The following TSHZ2 variants were observed in gnomAD, a reference collection of about 807,000 sequenced individuals.
TSHZ2 encodes the protein teashirt zinc finger homeobox 2.
Under a neutral mutation model 74.4 loss-of-function variants are expected in TSHZ2, and 21 were observed. The observed-to-expected ratio is 0.28, with a 90% confidence interval of 0.20 to 0.41. The LOEUF is 0.41. Ranked by LOEUF, TSHZ2 falls within the 10% of genes least tolerant of loss-of-function variation. TSHZ2 has a pLI of 1.00. For missense variants in TSHZ2, 1,244 were observed against 1,293.5 expected (o/e 0.96, Z 0.59); for synonymous variants, 540 against 515.3 (o/e 1.05, Z -0.65).
intron 1 of TSHZ2, among the ~76,000 whole-genome samples, chr20:53,170,835 C>T (rs903520931): frequency 1.3e-5 from 2 of 151,968 alleles, no homozygotes; most frequent in African/African-American, 4.8e-5. Flanking sequence ...CCAGCTCTAG[C>T]CTTGCCCAAG....
At chr20:53,160,306 C>A (rs1987898285) in intron 1 of TSHZ2, among the ~76,000 whole-genome samples, 1 of 152,124 alleles carries the variant, frequency 6.6e-6, no homozygotes, top group African/African-American at 2.4e-5. Context: ...TGATCTTTCA[C>A]CTTCATGGGT....
rs57243805 is a variant in TSHZ2, at chr20:53,246,040, C to CTTTTTTTT, written c.41-7453_41-7446dup. ...TGTGCTTTTCTTTCTTTCTTTCTTTCTTTTTTTTTTTTTGTTTGAGACAGA... is the reference window on the plus strand; with the variant it reads ...TGTGCTTTTCTTTCTTTCTTTCTTTCTTTTTTTTTTTTTTTTTTTTTGTTTGAGACAGA... On this transcript the variant is annotated intron_variant, in intron 1 of 2. Transcript: ENST00000371497. Among the ~76,000 whole-genome samples the CTTTTTTTT allele has an allele frequency of 3.0e-3, 395 of 130,594 alleles. 2 individuals are homozygous for CTTTTTTTT. The highest frequency in any genetic ancestry group is 0.011 in the African/African-American group (362 of 32,302). The allele number at this position is 130,594 out of a possible 152,430, so 85.7% of individuals were successfully genotyped here.
intron 1 of TSHZ2, among the ~76,000 whole-genome samples, chr20:53,013,268 C>T (rs776852273): frequency 6.6e-6 from 1 of 152,324 alleles, no homozygotes; most frequent in African/African-American, 2.4e-5. Context: ...GGCTTCCCAA[C>T]AGGCTCTACT....
At chr20:53,344,649 C>A (rs1172360706) in intron 2 of TSHZ2, among the ~76,000 whole-genome samples, 1 of 152,106 alleles carries the variant, frequency 6.6e-6, no homozygotes, top group Non-Finnish European at 1.5e-5. Flanking sequence ...AAAAATGGCA[C>A]CAGTGACACT....
At chr20:53,338,192 G>A (rs1980035080) in intron 2 of TSHZ2, among the ~76,000 whole-genome samples, 1 of 152,204 alleles carries the variant, frequency 6.6e-6, no homozygotes, top group African/African-American at 2.4e-5. Context: ...ATTTATCTGA[G>A]CAGAGAGAAT....
chr20:53,384,379 AG>A (rs1981968473), intron 2 of TSHZ2, among the ~76,000 whole-genome samples: 1 of 152,236 alleles, frequency 6.6e-6, no homozygotes, highest in Non-Finnish European at 1.5e-5. Context: ...AGCCACACGC[AG>A]ACCCGTTTAT....
intron 2 of TSHZ2, among the ~76,000 whole-genome samples, chr20:53,372,487 AGAAGGAAGAAAG>A (rs1172429815): frequency 6.6e-6 from 1 of 152,106 alleles, no homozygotes; most frequent in African/African-American, 2.4e-5. Flanking sequence ...AAAAAAATAA[AGAAGGAAGAAAG>A]GAAGGAAGGA....
chr20:53,100,600 A>C (rs1327816881), intron 1 of TSHZ2, among the ~76,000 whole-genome samples: 1 of 152,162 alleles, frequency 6.6e-6, no homozygotes, highest in Non-Finnish European at 1.5e-5. Context: ...TTTCTCTGAC[A>C]GCTCTGTTTG....
chr20:53,010,266 C>T (rs1248181188), intron 1 of TSHZ2, among the ~76,000 whole-genome samples: 3 of 152,286 alleles, frequency 2.0e-5, no homozygotes, highest in East Asian at 1.9e-4. Flanking sequence ...ATTCCACCCA[C>T]CACATTGCAT....
At chr20:53,189,944 C>A (rs900960119) in intron 1 of TSHZ2, among the ~76,000 whole-genome samples, 2 of 149,670 alleles carry the variant, frequency 1.3e-5, no homozygotes, top group East Asian at 3.9e-4. Flanking sequence ...ATTAGCTGAG[C>A]GTGATGGCAC....
intron 2 of TSHZ2, among the ~76,000 whole-genome samples, chr20:53,454,332 G>A (rs1489849472): frequency 6.6e-6 from 1 of 152,156 alleles, no homozygotes; most frequent in African/African-American, 2.4e-5. Context: ...GGGAGGCCAA[G>A]GCAGGCAGAT....
intron 1 of TSHZ2, among the ~76,000 whole-genome samples, chr20:52,977,473 T>C (rs996249027): frequency 5.9e-5 from 8 of 135,890 alleles, no homozygotes; most frequent in Non-Finnish European, 1.1e-4. Flanking sequence ...CACACACGCA[T>C]GGACACAATA....
At chr20:53,027,247 T>C (rs890217129) in intron 1 of TSHZ2, among the ~76,000 whole-genome samples, 1 of 152,226 alleles carries the variant, frequency 6.6e-6, no homozygotes, top group Non-Finnish European at 1.5e-5. Flanking sequence ...TTTTAAAATA[T>C]ATGCATATGT....
intron 2 of TSHZ2, among the ~76,000 whole-genome samples, chr20:53,337,067 G>A (rs1033717512): frequency 6.6e-6 from 1 of 152,214 alleles, no homozygotes; most frequent in African/African-American, 2.4e-5. Context: ...CTGTTGTGCA[G>A]CATGGCTGGG....
At chr20:53,199,941 G>A (rs1055742450) in intron 1 of TSHZ2, among the ~76,000 whole-genome samples, 2 of 152,170 alleles carry the variant, frequency 1.3e-5, no homozygotes, top group Non-Finnish European at 2.9e-5. Context: ...TATAGCATGG[G>A]ACATAACACA....
chr20:53,166,433 C>G (rs1027540133), intron 1 of TSHZ2, among the ~76,000 whole-genome samples: 2 of 151,900 alleles, frequency 1.3e-5, no homozygotes, highest in Non-Finnish European at 2.9e-5. Flanking sequence ...ACCTGGGTAA[C>G]ACAGCAAGAG....
chr20:53,232,057 T>A (rs1443534821), intron 1 of TSHZ2, among the ~76,000 whole-genome samples: 1 of 121,790 alleles, frequency 8.2e-6, no homozygotes, highest in Non-Finnish European at 1.8e-5. Flanking sequence ...GCTAATTTAT[T>A]TTTTTATTTT....
chr20:53,080,313 C>G (rs946010279), intron 1 of TSHZ2, among the ~76,000 whole-genome samples: 2 of 152,136 alleles, frequency 1.3e-5, no homozygotes, highest in Non-Finnish European at 1.5e-5. Flanking sequence ...TCAACTTGGT[C>G]TTAAGGAAGA....
In TSHZ2 at chr20:53,488,711, T is replaced by G. The variant is rs1986362108; in HGVS notation, c.*1576T>G. On this transcript the variant is annotated 3_prime_UTR_variant, in exon 3 of 3. Coordinates refer to ENST00000371497, the MANE Select transcript of TSHZ2 (RefSeq NM_173485.6). The stretch of plus-strand genomic sequence containing the variant: ...TTGTTGCTTTAATTACCAAGGTTAT[T>G]TTTTTTTAATCTCAACACTGACAAA... 3.6e-6 allele frequency: 1 copy of G among 279,824 alleles called. No individual in the cohort carries two copies. The highest frequency in any genetic ancestry group is 6.9e-6 in the Non-Finnish European group (1 of 144,550). 17.3% of individuals were successfully genotyped at this position (279,824 alleles called of 1,614,324 possible).
Sources: gnomAD v4.1 joint callset for allele counts (sites outside exome capture counted in the v4.1 genomes callset) on GRCh38, gnomAD v4.1.1 for gene constraint, MANE v1.5 for transcripts, NCBI Gene and HGNC (gene_info 2026-07-23, HGNC 2026-07-21) for gene names.